ATP6V1B2: variants seen among roughly 807,000 people sequenced by gnomAD.
The protein encoded by ATP6V1B2 is ATPase H+ transporting V1 subunit B2.
Under a neutral mutation model 66.7 loss-of-function variants are expected in ATP6V1B2, and 23 were observed. The observed-to-expected ratio is 0.34, with a 90% confidence interval of 0.25 to 0.49. The LOEUF (loss-of-function observed/expected upper bound fraction) is 0.49, where lower values mean the gene tolerates loss of function less well. Ranked by LOEUF, ATP6V1B2 falls within the 20% of genes least tolerant of loss-of-function variation. ATP6V1B2 has a pLI of 0.99. For missense variants in ATP6V1B2, 478 were observed against 650.8 expected (o/e 0.73, Z 2.89); for synonymous variants, 278 against 236.7 (o/e 1.17, Z -1.60).
intron 1 of ATP6V1B2, among the ~76,000 whole-genome samples, chr8:20,198,338 G>T (rs1451374867): frequency 1.3e-5 from 2 of 152,178 alleles, no homozygotes; most frequent in African/African-American, 4.8e-5. Context: ...TTGAGTGCAG[G>T]GTTCTTTGGG....
intron 10 of ATP6V1B2, 40 bp downstream of exon 10, chr8:20,215,008 T>C: frequency 1.3e-6 from 2 of 1,594,676 alleles, no homozygotes; most frequent in Non-Finnish European, 1.7e-6. Context: ...CCTAATCATT[T>C]TAAAGAGAGA....
At chr8:20,209,353 AT>A (rs1448081188) in intron 2 of ATP6V1B2, 79 bp from the exon 3 acceptor site, 2 of 1,385,730 alleles carry the variant, frequency 1.4e-6, no homozygotes, top group Non-Finnish European at 2.0e-6. Context: ...CAGACACAAC[AT>A]GGGAGAGACA....
chr8:20,216,415 A>G lies in ATP6V1B2; in HGVS notation c.1081A>G (p.Ile361Val). The G allele has an allele frequency of 6.2e-7, 1 of 1,611,972 alleles. No individual in the cohort carries two copies. The highest frequency in any genetic ancestry group is 8.5e-7 in the Non-Finnish European group (1 of 1,178,320). ...IPILTMPNDDITHPIPDLTGY... is the reference protein window; with the variant it reads ...IPILTMPNDDVTHPIPDLTGY... ...TGCCAACTGTCTTCCTCTGGTAGAT[A>G]TCACTCACCCCATCCCAGACTTGAC... Residue 361 changes from isoleucine to valine, a missense_variant and splice_region_variant, in exon 11 of 14, where the codon ATC (isoleucine) becomes GTC (valine). Ile to Val is a conservative substitution (Grantham distance 29, BLOSUM62 3). Coordinates refer to ENST00000276390, the MANE Select transcript of ATP6V1B2 (RefSeq NM_001693.4).
At chr8:20,201,915 G>T (rs2072691659) in intron 1 of ATP6V1B2, among the ~76,000 whole-genome samples, 1 of 152,132 alleles carries the variant, frequency 6.6e-6, no homozygotes, top group African/African-American at 2.4e-5. Flanking sequence ...ACATGGTGAG[G>T]GGGCTGAGAA....
At chr8:20,199,760 G>A (rs947143842) in intron 1 of ATP6V1B2, among the ~76,000 whole-genome samples, 8 of 151,798 alleles carry the variant, frequency 5.3e-5, no homozygotes, top group African/African-American at 1.9e-4. Context: ...ACGGGCGCAC[G>A]CCGCCATGCC....
chr8:20,217,197 T>C, intron 11 of ATP6V1B2, 23 bp from the exon 12 acceptor site: 1 of 1,572,884 alleles, frequency 6.4e-7, no homozygotes, highest in Non-Finnish European at 8.7e-7. Flanking sequence ...ATATAGTATT[T>C]TTTCCCTCTC....
At chr8:20,199,075 A>C (rs1283052074) in intron 1 of ATP6V1B2, among the ~76,000 whole-genome samples, 1 of 152,252 alleles carries the variant, frequency 6.6e-6, no homozygotes, top group African/African-American at 2.4e-5. Context: ...TTAATCATTC[A>C]GTGTCAATTC....
chr8:20,220,313 C>G lies in ATP6V1B2; in HGVS notation c.1447C>G (p.Leu483Val). Reference protein sequence around the residue: ...VFETLDIGWQLLRIFPKEMLK... With the variant: ...VFETLDIGWQVLRIFPKEMLK... Reference sequence around the variant, plus strand: ...TGAGACTTTGGACATTGGCTGGCAGCTACTCCGAATCTTCCCCAAAGAAAT... The same window carrying G: ...TGAGACTTTGGACATTGGCTGGCAGGTACTCCGAATCTTCCCCAAAGAAAT... The change falls in exon 14 of 14, where the codon CTA (leucine) becomes GTA (valine). Residue 483 changes from leucine (L) to valine (V), a missense_variant. Transcript: ENST00000276390. 1 of 1,605,870 alleles carries G rather than the reference C, an allele frequency of 6.2e-7. No homozygotes were observed. Among genetic ancestry groups the G allele is most frequent in the Non-Finnish European group, 8.5e-7 (1 of 1,177,788 alleles).
At chr8:20,212,940 A>C (rs370483443) in intron 9 of ATP6V1B2, 35 bp downstream of exon 9, 214 of 1,611,370 alleles carry the variant, frequency 1.3e-4, no homozygotes, top group Non-Finnish European at 1.7e-4. Context: ...AGTTAAACAA[A>C]ATTGGTTAAT....
At chr8:20,200,636 A>G (rs1233731965) in intron 1 of ATP6V1B2, among the ~76,000 whole-genome samples, 1 of 152,240 alleles carries the variant, frequency 6.6e-6, no homozygotes, top group Non-Finnish European at 1.5e-5. Flanking sequence ...ATTTTCTCTT[A>G]AAAGAAAAGA....
At chr8:20,200,763 G>A (rs2072677788) in intron 1 of ATP6V1B2, among the ~76,000 whole-genome samples, 1 of 152,168 alleles carries the variant, frequency 6.6e-6, no homozygotes, top group South Asian at 2.1e-4. Context: ...AGCAGAGCCA[G>A]CCCTGCAAAA....
At chr8:20,201,297 A>C (rs916612574) in intron 1 of ATP6V1B2, among the ~76,000 whole-genome samples, 1 of 152,218 alleles carries the variant, frequency 6.6e-6, no homozygotes, top group African/African-American at 2.4e-5. Flanking sequence ...ATATTTAGGT[A>C]ATTTACAAAT....
At chr8:20,198,502 G>A (rs2072651303) in intron 1 of ATP6V1B2, among the ~76,000 whole-genome samples, 1 of 152,234 alleles carries the variant, frequency 6.6e-6, no homozygotes, top group African/African-American at 2.4e-5. Flanking sequence ...GAATGCAGTT[G>A]TGTAGCATCC....
intron 1 of ATP6V1B2, among the ~76,000 whole-genome samples, chr8:20,201,732 T>C (rs1376778968): frequency 6.6e-6 from 1 of 152,188 alleles, no homozygotes; most frequent in Non-Finnish European, 1.5e-5. Context: ...CCTACTGTCT[T>C]AGCCATTTTC....
rs144527601 is a variant in ATP6V1B2 at position 20,199,858 on chromosome 8, A to G, written c.136+2316A>G. 6.8e-3 allele frequency among the ~76,000 whole-genome samples: 1,033 copies of G among 152,080 alleles called. 48 individuals carry two copies. The highest frequency in any genetic ancestry group is 0.058 in the Admixed American group (887 of 15,280). Reference sequence around the variant, plus strand: ...ACTCCTGAGCTCAGGCAATCCGCCTACCTAGGCCTCCCAAAGTGCTGGGAT... The same window carrying G: ...ACTCCTGAGCTCAGGCAATCCGCCTGCCTAGGCCTCCCAAAGTGCTGGGAT... On this transcript the variant is annotated intron_variant, in intron 1 of 13. Coordinates refer to ENST00000276390, the MANE Select transcript of ATP6V1B2 (RefSeq NM_001693.4).
At chr8:20,198,679 G>C (rs1222012517) in intron 1 of ATP6V1B2, among the ~76,000 whole-genome samples, 1 of 152,176 alleles carries the variant, frequency 6.6e-6, no homozygotes, top group Non-Finnish European at 1.5e-5. Context: ...AAGGATTTCA[G>C]ATGAAGGGTG....
At chr8:20,206,936 G>A (rs1039323966) in intron 2 of ATP6V1B2, among the ~76,000 whole-genome samples, 7 of 152,106 alleles carry the variant, frequency 4.6e-5, no homozygotes, top group South Asian at 2.1e-4. Flanking sequence ...AAAAGGAACC[G>A]CCATCATCAT....
chr8:20,215,978 A>C (rs1048427330), intron 10 of ATP6V1B2: 4 of 153,232 alleles, frequency 2.6e-5, no homozygotes, highest in Admixed American at 2.6e-4. Flanking sequence ...GTTTAAAATG[A>C]AACTTTACTT....
chr8:20,220,523 CAA>C lies in ATP6V1B2; in HGVS notation c.*123_*124del. 1.5e-6 allele frequency: 2 copies of C among 1,335,952 alleles called. No individual in the cohort carries two copies. The highest frequency in any genetic ancestry group is 2.0e-6 in the Non-Finnish European group (2 of 1,011,996). 82.8% of individuals were successfully genotyped at this position (1,335,952 alleles called of 1,614,324 possible). On this transcript the variant is annotated 3_prime_UTR_variant, in exon 14 of 14. Transcript: ENST00000276390. ...TACCATGTTACCCTGTAATTAAAAA[CAA>C]AGAATAGGTAACATATTGTGCCAGT...
Sources: allele counts gnomAD v4.1 joint callset (sites outside exome capture counted in the v4.1 genomes callset), GRCh38; gene constraint gnomAD v4.1.1; transcripts MANE v1.5; gene names NCBI Gene and HGNC (gene_info 2026-07-23, HGNC 2026-07-21).